DNAH12: variants seen among roughly 807,000 people sequenced by gnomAD.
DNAH12 encodes the protein dynein axonemal heavy chain 12.
DNAH12 carries 285 observed loss-of-function variants against 371.5 expected under a neutral mutation model. The ratio of observed to expected loss-of-function variants is 0.77; its 90% CI spans 0.70 to 0.85. The LOEUF (loss-of-function observed/expected upper bound fraction) is 0.85, where lower values mean the gene tolerates loss of function less well. Among genes scored for constraint, DNAH12 ranks in the 40% least tolerant of loss-of-function variants. The pLI, the probability that DNAH12 is intolerant of heterozygous loss-of-function variation, is 0.00. For synonymous variants in DNAH12, 1,200 were observed against 1,213.0 expected (o/e 0.99, Z 0.22); for missense variants, 3,611 against 3,689.4 (o/e 0.98, Z 0.55).
chr3:57,403,549 A>G (rs1374879903), intron 42 of DNAH12, 48 bp from the exon 43 acceptor site: 1 of 1,454,740 alleles, frequency 6.9e-7, no homozygotes, highest in African/African-American at 1.4e-5. Context: ...ATAAATGTAA[A>G]TGTATAGTTA....
intron 60 of DNAH12, among the ~76,000 whole-genome samples, chr3:57,340,225 A>G (rs2062360851): frequency 6.6e-6 from 1 of 152,184 alleles, no homozygotes; most frequent in Non-Finnish European, 1.5e-5. Flanking sequence ...AAACAGAAAG[A>G]TTTCAAATAA....
chr3:57,552,252 A>AC, the DNAH12 span, among the ~76,000 whole-genome samples: 1 of 150,754 alleles, frequency 6.6e-6, no homozygotes, highest in Non-Finnish European at 1.5e-5. Context: ...CTCAAAAAAA[A>AC]AAAAAAGAGA....
At chr3:57,496,985 T>A (rs909695467) in intron 11 of DNAH12, among the ~76,000 whole-genome samples, 11 of 152,048 alleles carry the variant, frequency 7.2e-5, no homozygotes, top group African/African-American at 2.4e-4. Context: ...AAAAAAATGC[T>A]ATTTATAAGA....
intron 4 of DNAH12, chr3:57,519,578 T>A: frequency 1.4e-6 from 1 of 722,898 alleles, no homozygotes; most frequent in African/African-American, 1.7e-5. Context: ...GAAGAAGTAA[T>A]CCCCTGGAGT....
At chr3:57,531,767 CAAAA>C (rs35142998) in intron 2 of DNAH12, among the ~76,000 whole-genome samples, 4 of 50,272 alleles carry the variant, frequency 8.0e-5, no homozygotes, top group African/African-American at 7.1e-5. Context: ...CACTCCATCT[CAAAA>C]AAAAAAAAAA....
rs1193997750 is a variant in DNAH12, at chr3:57,445,327, A to G, written c.4272T>C (p.Pro1424=). 1 of 1,551,636 alleles carries G rather than the reference A, an allele frequency of 6.4e-7. No homozygotes were observed. Among genetic ancestry groups the G allele is most frequent in the Non-Finnish European group, 8.7e-7 (1 of 1,146,946 alleles). Reference sequence around the variant, plus strand: ...AGGTCATTACTATTTTCACAGACAGAGGTCTTGCATTCAAAAATCCGTAAG... The same window carrying G: ...AGGTCATTACTATTTTCACAGACAGGGGTCTTGCATTCAAAAATCCGTAAG... The part of the protein sequence containing the change: ...LYSYGFLNAR[P]LSVKIVMTYR... The change falls in exon 28 of 74, where the codon CCT becomes CCC. Residue 1424 remains proline, a synonymous_variant. Coordinates refer to ENST00000495027, the MANE Select transcript of DNAH12 (RefSeq NM_001366028.2).
intron 60 of DNAH12, among the ~76,000 whole-genome samples, chr3:57,348,163 T>C (rs1553658792): frequency 6.6e-6 from 1 of 151,954 alleles, no homozygotes; most frequent in East Asian, 1.9e-4. Context: ...ATCCAAACAA[T>C]GGAATATAAT....
chr3:57,479,577 G>C (rs2066662567), intron 13 of DNAH12, among the ~76,000 whole-genome samples: 1 of 152,080 alleles, frequency 6.6e-6, no homozygotes, highest in Non-Finnish European at 1.5e-5. Flanking sequence ...GGACCTAATA[G>C]GCATCTACAG....
At chr3:57,415,212 A>G (rs1485318623) in intron 38 of DNAH12, among the ~76,000 whole-genome samples, 1 of 152,186 alleles carries the variant, frequency 6.6e-6, no homozygotes, top group African/African-American at 2.4e-5. Flanking sequence ...GGCTTAAAAA[A>G]AAAACAGGTG....
intron 50 of DNAH12, among the ~76,000 whole-genome samples, chr3:57,381,129 T>C (rs1377694951): frequency 1.3e-5 from 2 of 152,140 alleles, no homozygotes; most frequent in East Asian, 3.9e-4. Context: ...AGAGTACACA[T>C]TGCTCTGCCA....
intron 13 of DNAH12, among the ~76,000 whole-genome samples, chr3:57,482,824 A>G (rs1187210939): frequency 6.6e-6 from 1 of 151,710 alleles, no homozygotes; most frequent in Non-Finnish European, 1.5e-5. Flanking sequence ...TTGCAAGGAC[A>G]AAAAACTAAA....
chr3:57,460,626 GAT>G (rs1483022445), intron 19 of DNAH12, among the ~76,000 whole-genome samples: 1 of 152,146 alleles, frequency 6.6e-6, no homozygotes, highest in African/African-American at 2.4e-5. Context: ...TGCTTCTTGG[GAT>G]AATGTCCAGC....
intron 4 of DNAH12, among the ~76,000 whole-genome samples, chr3:57,512,908 G>A (rs1217311183): frequency 1.3e-5 from 2 of 152,126 alleles, no homozygotes; most frequent in Admixed American, 6.6e-5. Context: ...GGAGGCCGAG[G>A]CGGGTGGATC....
rs912037675 is a variant in DNAH12, at chr3:57,501,311, T to A, written c.1335+10A>T. ...CAAAACGCATTAATAAAAACAGAAT[T>A]ACCGCTTACCTCTGTATATTCATCA... On this transcript the variant is annotated intron_variant, in intron 11 of 73. Coordinates refer to ENST00000495027, the MANE Select transcript of DNAH12 (RefSeq NM_001366028.2). 6.3e-7 allele frequency: 1 copy of A among 1,595,650 alleles called. No homozygotes were observed. The highest frequency in any genetic ancestry group is 8.5e-7 in the Non-Finnish European group (1 of 1,171,840).
chr3:57,398,151 A>G (rs900695456), intron 43 of DNAH12, among the ~76,000 whole-genome samples: 9 of 152,330 alleles, frequency 5.9e-5, no homozygotes, highest in Middle Eastern at 3.4e-3. Flanking sequence ...AAAATTATCT[A>G]CAGGGGTTCA....
At chr3:57,294,517 G>A (rs546495736) in intron 73 of DNAH12, among the ~76,000 whole-genome samples, 1 of 152,252 alleles carries the variant, frequency 6.6e-6, no homozygotes, top group East Asian at 1.9e-4. Flanking sequence ...AGGTGTGGAA[G>A]ACAGGAATAG....
At position 57,429,705 on chromosome 3, in the gene DNAH12, G is replaced by A. The variant is rs1489870441; in HGVS notation, c.5050C>T (p.Leu1684Phe). 6.5e-7 allele frequency: 1 copy of A among 1,535,994 alleles called. No homozygotes were observed. Among genetic ancestry groups the A allele is most frequent in the Non-Finnish European group, 8.8e-7 (1 of 1,141,606 alleles). Residue 1684 changes from leucine (L) to phenylalanine (F), a missense_variant, in exon 33 of 74, where the codon CTT (leucine) becomes TTT (phenylalanine). Transcript: ENST00000495027. The part of the protein sequence containing the change: ...QMSLIFETMD[L>F]SQASPATVSR... ...TATGAACTTACGGATGCCTGGGAAAGGTCCATTGTTTCAAAGATGAGGCTC... is the reference window on the plus strand; with the variant it reads ...TATGAACTTACGGATGCCTGGGAAAAGTCCATTGTTTCAAAGATGAGGCTC...
chr3:57,435,456 G>A lies in DNAH12; in HGVS notation c.4655+1495C>T, dbSNP rs370900340. On this transcript the variant is annotated intron_variant, in intron 30 of 73. Transcript: ENST00000495027. ...GATTCATGAAAAACAGACTAAGATT[G>A]TGGCTCCCTCCACAAAGCCTGATAA... is the stretch of plus-strand genomic sequence containing the variant. Among the ~76,000 whole-genome samples, 6 of 150,134 alleles carry A rather than the reference G, an allele frequency of 4.0e-5. No individual in the cohort carries two copies. In the East Asian group the frequency reaches 7.9e-4, roughly 20 times the overall value.
upstream of DNAH12, among the ~76,000 whole-genome samples, chr3:57,547,659 T>G (rs2069590338): frequency 1.3e-5 from 2 of 152,168 alleles, 1 homozygote; most frequent in South Asian, 4.1e-4. Flanking sequence ...AGTTACCAAA[T>G]TGCTATAAAA....
Sources: gnomAD v4.1 joint callset for allele counts (sites outside exome capture counted in the v4.1 genomes callset) on GRCh38, gnomAD v4.1.1 for gene constraint, MANE v1.5 for transcripts, NCBI Gene and HGNC (gene_info 2026-07-23, HGNC 2026-07-21) for gene names.